VCL: variants seen among roughly 807,000 people sequenced by gnomAD.
VCL encodes the protein vinculin.
VCL carries 47 observed loss-of-function variants against 125.7 expected under a neutral mutation model. The ratio of observed to expected loss-of-function variants is 0.37; its 90% CI spans 0.30 to 0.48. The LOEUF is 0.48. VCL is among the 20% of genes least tolerant of loss of function. The pLI is 0.99. For synonymous variants in VCL, 458 were observed against 514.6 expected (o/e 0.89, Z 1.49); for missense variants, 1,069 against 1,455.5 (o/e 0.73, Z 4.32).
chr10:74,055,619 A>G (rs923097163), intron 2 of VCL, among the ~76,000 whole-genome samples: 5 of 152,000 alleles, frequency 3.3e-5, no homozygotes, highest in Admixed American at 2.6e-4. Flanking sequence ...GAATACTGGG[A>G]TTATAGGCGT....
intron 5 of VCL, among the ~76,000 whole-genome samples, chr10:74,073,708 A>G (rs1397148801): frequency 1.3e-5 from 2 of 152,222 alleles, no homozygotes; most frequent in East Asian, 1.9e-4. Flanking sequence ...AAATGCAAAC[A>G]TGGTAGCTGC....
chr10:74,039,130 G>A (rs1394672135), intron 1 of VCL, among the ~76,000 whole-genome samples: 1 of 151,762 alleles, frequency 6.6e-6, no homozygotes, highest in African/African-American at 2.4e-5. Flanking sequence ...CAGGCTGGTC[G>A]CGAACTCCTG....
At chr10:74,070,541 A>G (rs1481346005) in intron 2 of VCL, 129 bp from the exon 3 acceptor site, 7 of 1,323,642 alleles carry the variant, frequency 5.3e-6, no homozygotes, top group Non-Finnish European at 7.5e-6. Context: ...TCTATTATCA[A>G]TTGGTCTTGG....
chr10:74,116,730 C>A (rs141089458), intron 21 of VCL, among the ~76,000 whole-genome samples: 2,121 of 151,086 alleles, frequency 0.014, 59 homozygotes, highest in African/African-American at 0.048. Context: ...TAAACAACAA[C>A]AAAAAACAAA....
chr10:74,090,070 T>C lies in VCL; in HGVS notation c.1224T>C (p.Ile408=), dbSNP rs1293860838. 1 of 1,614,168 alleles carries C rather than the reference T, an allele frequency of 6.2e-7. No individual in the cohort carries two copies. The change falls in exon 10 of 22, where the codon ATT becomes ATC. Residue 408 remains isoleucine, a synonymous_variant. Transcript: ENST00000211998. ...GTGGACCGGAAGGAGAAGAGCAGAT[T>C]CGAGGTGCTTTGGCTGAAGCTCGGA... ...PNGGPEGEEQ[I]RGALAEARKI... is the part of the protein sequence containing the mutation.
chr10:74,021,058 C>T (rs566252775), intron 1 of VCL, among the ~76,000 whole-genome samples: 11 of 151,996 alleles, frequency 7.2e-5, no homozygotes, highest in African/African-American at 2.4e-4. Flanking sequence ...GAAATAAGTT[C>T]CGTATTTCCC....
At chr10:74,114,417 G>A (rs753559415) in intron 20 of VCL, 30 bp downstream of exon 20, 6 of 1,409,558 alleles carry the variant, frequency 4.3e-6, no homozygotes, top group East Asian at 2.5e-5. Context: ...GCGTGTGTGT[G>A]TGTGTGTGTG....
chr10:74,078,391 C>A (rs1370992415), intron 6 of VCL, among the ~76,000 whole-genome samples: 1 of 151,736 alleles, frequency 6.6e-6, no homozygotes, highest in African/African-American at 2.4e-5. Context: ...TACTTGCAGA[C>A]CACTGGGATT....
chr10:74,059,713 A>G (rs1313122546), intron 2 of VCL, among the ~76,000 whole-genome samples: 2 of 152,150 alleles, frequency 1.3e-5, no homozygotes, highest in African/African-American at 2.4e-5. Flanking sequence ...CCTGCTGGAC[A>G]TACTTCTAAA....
intron 8 of VCL, among the ~76,000 whole-genome samples, chr10:74,085,908 C>G (rs906173906): frequency 6.6e-6 from 1 of 152,034 alleles, no homozygotes; most frequent in Non-Finnish European, 1.5e-5. Flanking sequence ...GCTCTTATTG[C>G]CCAGGCTGGA....
At chr10:74,027,575 C>A (rs914783717) in intron 1 of VCL, 13 of 141,992 alleles carry the variant, frequency 9.2e-5, no homozygotes, top group African/African-American at 3.2e-4. Context: ...GCAGGAGAAT[C>A]GCTTGAACCC....
chr10:74,068,179 T>C (rs1841604129), intron 2 of VCL, among the ~76,000 whole-genome samples: 1 of 152,228 alleles, frequency 6.6e-6, no homozygotes, highest in Non-Finnish European at 1.5e-5. Flanking sequence ...ATATCTAGAA[T>C]GTATCCTACA....
At chr10:74,086,214 G>C (rs1005498220) in intron 8 of VCL, among the ~76,000 whole-genome samples, 4 of 152,178 alleles carry the variant, frequency 2.6e-5, no homozygotes, top group African/African-American at 4.8e-5. Flanking sequence ...TGTGGACCAA[G>C]ATCACTTCTA....
intron 2 of VCL, among the ~76,000 whole-genome samples, chr10:74,049,499 A>G (rs1435565739): frequency 6.6e-6 from 1 of 152,024 alleles, no homozygotes; most frequent in African/African-American, 2.4e-5. Flanking sequence ...CTCTCTCATT[A>G]TAAGTAGGAA....
intron 19 of VCL, among the ~76,000 whole-genome samples, chr10:74,112,817 C>A (rs767235097): frequency 3.9e-5 from 6 of 152,094 alleles, no homozygotes; most frequent in Non-Finnish European, 7.4e-5. Context: ...TTAAAGGTGG[C>A]ATGCTGCAAG....
chr10:74,080,342 A>G (rs1171362504), intron 6 of VCL, among the ~76,000 whole-genome samples: 5 of 152,278 alleles, frequency 3.3e-5, no homozygotes, highest in Admixed American at 6.5e-5. Flanking sequence ...TTGATAAGCA[A>G]TGAGGTTTGG....
chr10:74,081,177 T>G (rs1839668877), intron 6 of VCL, among the ~76,000 whole-genome samples: 1 of 152,220 alleles, frequency 6.6e-6, no homozygotes, highest in Non-Finnish European at 1.5e-5. Flanking sequence ...GCTGAGAATT[T>G]GCTATTTAGA....
intron 14 of VCL, among the ~76,000 whole-genome samples, chr10:74,102,969 C>T (rs530894826): frequency 2.2e-4 from 34 of 152,060 alleles, no homozygotes; most frequent in East Asian, 9.7e-4. Flanking sequence ...GGGGTTCAAG[C>T]GATTCTCTTG....
intron 14 of VCL, among the ~76,000 whole-genome samples, chr10:74,103,384 T>C (rs1203514592): frequency 6.6e-6 from 1 of 152,252 alleles, no homozygotes; most frequent in East Asian, 1.9e-4. Flanking sequence ...TTTGCATCTC[T>C]AAAGTAGAGA....
Sources: allele counts gnomAD v4.1 joint callset (sites outside exome capture counted in the v4.1 genomes callset), GRCh38; gene constraint gnomAD v4.1.1; transcripts MANE v1.5; gene names NCBI Gene and HGNC (gene_info 2026-07-23, HGNC 2026-07-21).